NAALADL2: variants seen among roughly 807,000 people sequenced by gnomAD.
The protein encoded by NAALADL2 is N-acetylated alpha-linked acidic dipeptidase like 2.
NAALADL2 carries 76 observed loss-of-function variants against 87.2 expected under a neutral mutation model. That is an observed-to-expected ratio of 0.87 (90% CI 0.72 to 1.05). The LOEUF (loss-of-function observed/expected upper bound fraction) is 1.05. Ranked by LOEUF, NAALADL2 falls within the 50% of genes least tolerant of loss-of-function variation. The pLI, the probability that NAALADL2 is intolerant of heterozygous loss-of-function variation, is 0.00. For missense variants in NAALADL2, 1,089 were observed against 945.8 expected, an observed-to-expected ratio of 1.15 and a Z score of -1.99; for synonymous variants, 354 against 331.0, an observed-to-expected ratio of 1.07 and a Z score of -0.75.
chr3:175,201,294 T>A (rs933036535), intron 2 of NAALADL2, among the ~76,000 whole-genome samples: 1 of 152,182 alleles, frequency 6.6e-6, no homozygotes, highest in Non-Finnish European at 1.5e-5. Context: ...TCAGAGTTGA[T>A]AAAAATTAAA....
At chr3:175,054,762 T>A (rs1560520827) in intron 1 of NAALADL2, among the ~76,000 whole-genome samples, 1 of 152,158 alleles carries the variant, frequency 6.6e-6, no homozygotes, top group African/African-American at 2.4e-5. Flanking sequence ...CCTTGCAAAT[T>A]TTTTCCTAGT....
At chr3:175,644,405 T>C (rs1729711067) in intron 11 of NAALADL2, among the ~76,000 whole-genome samples, 1 of 152,132 alleles carries the variant, frequency 6.6e-6, no homozygotes, top group African/African-American at 2.4e-5. Context: ...TTCACACTTA[T>C]TTAATCTACC....
intron 1 of NAALADL2, among the ~76,000 whole-genome samples, chr3:175,038,649 C>T (rs901852023): frequency 2.0e-5 from 3 of 152,110 alleles, no homozygotes; most frequent in South Asian, 4.1e-4. Flanking sequence ...ATCAACAATG[C>T]GTAACTTGAA....
intron 3 of NAALADL2, among the ~76,000 whole-genome samples, chr3:175,247,501 G>A (rs1409338902): frequency 6.6e-6 from 1 of 152,090 alleles, no homozygotes; most frequent in Non-Finnish European, 1.5e-5. Flanking sequence ...AAATGAATCC[G>A]GGAAAGAGGG....
rs577638360 is a variant in NAALADL2 at position 175,215,846 on chromosome 3, A to G, written c.546-18085A>G. 5.3e-5 allele frequency among the ~76,000 whole-genome samples: 8 copies of G among 152,286 alleles called. No individual in the cohort carries two copies. In the South Asian group the frequency reaches 1.7e-3, roughly 32 times the overall value. On this transcript the variant is annotated intron_variant, in intron 2 of 13. Coordinates refer to ENST00000454872, the MANE Select transcript of NAALADL2 (RefSeq NM_207015.3). ...AATAATTCTTCTGGATAGTGCAGAA[A>G]GTAAGACTGAATGGATGGGTCTAGT...
At chr3:175,536,734 C>T (rs1734867696) in intron 9 of NAALADL2, among the ~76,000 whole-genome samples, 1 of 152,274 alleles carries the variant, frequency 6.6e-6, no homozygotes, top group Non-Finnish European at 1.5e-5. Context: ...AGGATGGTTG[C>T]GATCTCCTGA....
upstream of NAALADL2, among the ~76,000 whole-genome samples, chr3:174,858,176 T>C (rs1035235251): frequency 4.1e-5 from 6 of 147,844 alleles, no homozygotes; most frequent in Non-Finnish European, 1.5e-5. Flanking sequence ...ATTAAATATA[T>C]AATATATAAT....
chr3:175,474,703 G>A (rs796717748), intron 9 of NAALADL2, among the ~76,000 whole-genome samples: 57 of 146,938 alleles, frequency 3.9e-4, no homozygotes, highest in African/African-American at 1.4e-3. Context: ...GGCATTGGGG[G>A]GAGGTTTGCC....
intron 1 of NAALADL2, among the ~76,000 whole-genome samples, chr3:174,966,026 A>G (rs957989696): frequency 1.3e-5 from 2 of 152,136 alleles, no homozygotes; most frequent in African/African-American, 4.8e-5. Context: ...ATTCATGATC[A>G]TAAATATAAG....
intron 11 of NAALADL2, among the ~76,000 whole-genome samples, chr3:175,641,592 A>G (rs1729296024): frequency 6.6e-6 from 1 of 152,226 alleles, no homozygotes; most frequent in African/African-American, 2.4e-5. Flanking sequence ...CAAGTCTTCT[A>G]AGCTACTCCA....
chr3:174,679,162 T>C (rs551732072), intron 2 of NAALADL2, among the ~76,000 whole-genome samples: 3 of 152,294 alleles, frequency 2.0e-5, no homozygotes, highest in South Asian at 2.1e-4. Flanking sequence ...GTCATTCCAA[T>C]AGAACTTTAT....
rs1473183569 is a variant in NAALADL2 at position 174,461,236 on chromosome 3, C to T, written c.-184+20204C>T. 2.6e-5 allele frequency among the ~76,000 whole-genome samples: 4 copies of T among 151,864 alleles called. No individual in the cohort carries two copies. The East Asian group carries it at 5.8e-4, about 22-fold the overall frequency. On this transcript the variant is annotated intron_variant, in intron 1 of 3. Transcript: ENST00000434257. ...TGTATGCAAAATGAATGTTTTATGC[C>T]AATGTTAATACTGATGACTGCAGGA...
intron 9 of NAALADL2, 48 bp from the exon 10 acceptor site, chr3:175,575,993 G>C (rs766767020): frequency 6.7e-7 from 1 of 1,492,122 alleles, no homozygotes; most frequent in Non-Finnish European, 9.1e-7. Flanking sequence ...ATCTAGGGAT[G>C]ACCTGGGAAG....
chr3:174,872,178 T>C (rs1361286763), intron 1 of NAALADL2, among the ~76,000 whole-genome samples: 1 of 152,166 alleles, frequency 6.6e-6, no homozygotes, highest in African/African-American at 2.4e-5. Flanking sequence ...TATTCTAACA[T>C]CTATGATGCT....
At chr3:174,867,310 T>G (rs1339509668) in intron 1 of NAALADL2, among the ~76,000 whole-genome samples, 2 of 152,034 alleles carry the variant, frequency 1.3e-5, no homozygotes, top group African/African-American at 4.8e-5. Flanking sequence ...TGGTTGTTTC[T>G]GCTGAACTTC....
At chr3:174,948,615 C>T (rs1331053143) in intron 1 of NAALADL2, among the ~76,000 whole-genome samples, 1 of 152,148 alleles carries the variant, frequency 6.6e-6, no homozygotes, top group African/African-American at 2.4e-5. Flanking sequence ...TATTATCTTT[C>T]ATGGCTTCTA....
At chr3:175,377,293 C>G (rs1320759048) in intron 5 of NAALADL2, among the ~76,000 whole-genome samples, 1 of 152,144 alleles carries the variant, frequency 6.6e-6, no homozygotes, top group Non-Finnish European at 1.5e-5. Flanking sequence ...GCCTGGGTGA[C>G]AGAGTGACAC....
intron 2 of NAALADL2, among the ~76,000 whole-genome samples, chr3:174,674,843 T>C (rs890810651): frequency 6.6e-6 from 1 of 152,132 alleles, no homozygotes. Flanking sequence ...TTTAGGCTTA[T>C]AACTGACTTT....
At chr3:174,718,595 G>T in intron 2 of NAALADL2, among the ~76,000 whole-genome samples, 1 of 152,136 alleles carries the variant, frequency 6.6e-6, no homozygotes, top group East Asian at 1.9e-4. Flanking sequence ...TGCCCTAGGA[G>T]ACTGACATTG....
Sources: allele counts gnomAD v4.1 joint callset (sites outside exome capture counted in the v4.1 genomes callset), GRCh38; gene constraint gnomAD v4.1.1; transcripts MANE v1.5; gene names NCBI Gene and HGNC (gene_info 2026-07-23, HGNC 2026-07-21).